EYS: variants seen among roughly 807,000 people sequenced by gnomAD.
EYS encodes EGF-like photoreceptor maintenance factor, also known as protein eyes shut homolog.
Under a neutral mutation model 282.1 loss-of-function variants are expected in EYS, and 250 were observed. That is an observed-to-expected ratio of 0.89 (90% CI 0.80 to 0.98). The LOEUF is 0.98. EYS is among the 50% of genes least tolerant of loss of function. EYS has a pLI of 0.00. For synonymous variants in EYS, 1,355 were observed against 1,282.9 expected, an observed-to-expected ratio of 1.06 and a Z score of -1.20; for missense variants, 4,016 against 3,709.0, an observed-to-expected ratio of 1.08 and a Z score of -2.15.
At chr6:65,113,275 TG>T (rs1391445625) in intron 12 of EYS, among the ~76,000 whole-genome samples, 12 of 152,082 alleles carry the variant, frequency 7.9e-5, no homozygotes, top group Non-Finnish European at 5.9e-5. Context: ...TTACTGCTAT[TG>T]AAATTTAGGA....
chr6:64,746,497 C>A (rs995017027), intron 22 of EYS, among the ~76,000 whole-genome samples: 1 of 152,000 alleles, frequency 6.6e-6, no homozygotes, highest in Non-Finnish European at 1.5e-5. Context: ...TCGGTTACAG[C>A]GTCATAAATA....
intron 26 of EYS, among the ~76,000 whole-genome samples, chr6:64,479,269 C>G (rs1225340171): frequency 6.6e-6 from 1 of 151,924 alleles, no homozygotes; most frequent in Non-Finnish European, 1.5e-5. Flanking sequence ...ACCCAGTCCT[C>G]TCCTAGGATT....
intron 22 of EYS, among the ~76,000 whole-genome samples, chr6:64,795,841 T>A (rs889914275): frequency 7.9e-5 from 12 of 152,186 alleles, no homozygotes; most frequent in Non-Finnish European, 1.3e-4. Context: ...TTCAAACATA[T>A]ACATGCTCAG....
intron 22 of EYS, among the ~76,000 whole-genome samples, chr6:64,691,189 AAC>A: frequency 6.6e-6 from 1 of 152,292 alleles, no homozygotes; most frequent in South Asian, 2.1e-4. Flanking sequence ...GTACGCATGT[AAC>A]ATTAGATTTC....
Position 65,275,786 on chromosome 6 carries a change from C to G in EYS, c.2023+20077G>C, listed in dbSNP as rs560847587. ...TTCCCCAGGGTGATCAGCCAGCTAGCTACCTGGTGGCAGATTGGTTACTTG... is the reference window on the plus strand; with the variant it reads ...TTCCCCAGGGTGATCAGCCAGCTAGGTACCTGGTGGCAGATTGGTTACTTG... On this transcript the variant is annotated intron_variant, in intron 12 of 42. Coordinates refer to ENST00000503581, the MANE Select transcript of EYS (RefSeq NM_001142800.2). Among the ~76,000 whole-genome samples the G allele has an allele frequency of 1.8e-4, 27 of 152,238 alleles. No homozygotes were observed. In the East Asian group the frequency reaches 4.3e-3, roughly 24 times the overall value.
chr6:65,311,680 G>A (rs1370435857), intron 11 of EYS, among the ~76,000 whole-genome samples: 2 of 152,172 alleles, frequency 1.3e-5, no homozygotes, highest in African/African-American at 4.8e-5. Context: ...TATGAGTAAT[G>A]ATAACTGTCA....
intron 1 of EYS, among the ~76,000 whole-genome samples, chr6:65,693,404 CTT>C (rs66464915): frequency 0.41 from 51,003 of 125,260 alleles, 11,599 homozygotes; most frequent in African/African-American, 0.58. Flanking sequence ...TTTTTCCTTT[CTT>C]TTTTTTTTTT....
At chr6:63,800,792 G>A (rs1043445523) in intron 37 of EYS, among the ~76,000 whole-genome samples, 8 of 152,168 alleles carry the variant, frequency 5.3e-5, no homozygotes, top group Non-Finnish European at 1.0e-4. Flanking sequence ...GTGACAGAGC[G>A]AGACTCCGTC....
chr6:64,859,725 T>C (rs570072982), intron 19 of EYS, among the ~76,000 whole-genome samples: 31 of 152,236 alleles, frequency 2.0e-4, no homozygotes, highest in Non-Finnish European at 4.1e-4. Context: ...CACGTGGAAC[T>C]GTAAGTCTGT....
At chr6:65,457,333 T>TC (rs1344175665) in intron 5 of EYS, among the ~76,000 whole-genome samples, 1 of 152,044 alleles carries the variant, frequency 6.6e-6, no homozygotes. Context: ...CTCAGCTAAT[T>TC]CTTTTTTTTT....
At chr6:64,962,655 T>G (rs1193141026) in intron 14 of EYS, among the ~76,000 whole-genome samples, 1 of 151,952 alleles carries the variant, frequency 6.6e-6, no homozygotes, top group Non-Finnish European at 1.5e-5. Flanking sequence ...GGCTGAGGCT[T>G]GAGGGACGCT....
intron 21 of EYS, among the ~76,000 whole-genome samples, chr6:64,820,902 C>G (rs114010786): frequency 1.3e-5 from 2 of 151,882 alleles, no homozygotes. Flanking sequence ...GTTTTACTGA[C>G]GAGGGAGAGA....
chr6:64,909,661 A>G (rs1301470825), intron 16 of EYS, among the ~76,000 whole-genome samples: 2 of 152,058 alleles, frequency 1.3e-5, no homozygotes, highest in Non-Finnish European at 2.9e-5. Context: ...TTTGCCCTTT[A>G]TTTATCTCAC....
chr6:63,819,375 C>G (rs1449001133), intron 36 of EYS, among the ~76,000 whole-genome samples: 1 of 152,144 alleles, frequency 6.6e-6, no homozygotes, highest in African/African-American at 2.4e-5. Flanking sequence ...TGCCAAAAGC[C>G]TCTGAATGAG....
chr6:64,890,059 A>G (rs1434529710), intron 18 of EYS, among the ~76,000 whole-genome samples: 4 of 127,602 alleles, frequency 3.1e-5, no homozygotes, highest in South Asian at 4.9e-4. Context: ...CCCCCCCCCA[A>G]GGTGTGCCCA....
chr6:64,108,293 C>A (rs747498576), intron 31 of EYS, among the ~76,000 whole-genome samples: 1 of 152,116 alleles, frequency 6.6e-6, no homozygotes, highest in East Asian at 1.9e-4. Context: ...CTGGTTCTCA[C>A]GGAGATTTCT....
intron 13 of EYS, among the ~76,000 whole-genome samples, chr6:65,023,516 T>G (rs1772310154): frequency 6.6e-6 from 1 of 152,210 alleles, no homozygotes; most frequent in South Asian, 2.1e-4. Flanking sequence ...GTGGATTTCC[T>G]GCCGTTGACA....
chr6:64,157,488 G>A (rs1774965922), intron 31 of EYS, among the ~76,000 whole-genome samples: 1 of 152,148 alleles, frequency 6.6e-6, no homozygotes, highest in Admixed American at 6.5e-5. Context: ...TGTCTCCAGG[G>A]CATGCCAGAA....
At chr6:64,492,595 A>G (rs1582817236) in intron 26 of EYS, among the ~76,000 whole-genome samples, 1 of 151,394 alleles carries the variant, frequency 6.6e-6, no homozygotes, top group East Asian at 1.9e-4. Context: ...ACAAGGAATT[A>G]TGTAATTAAC....
Sources: gnomAD v4.1 joint callset for allele counts (sites outside exome capture counted in the v4.1 genomes callset) on GRCh38, gnomAD v4.1.1 for gene constraint, MANE v1.5 for transcripts, NCBI Gene and HGNC (gene_info 2026-07-23, HGNC 2026-07-21) for gene names.